The following CAMKMT variants were observed in gnomAD, a reference collection of about 807,000 sequenced individuals.
CAMKMT encodes CaM KMT.
A neutral mutation model predicts 48.0 loss-of-function variants in CAMKMT; 53 were observed. The observed-to-expected ratio is 1.10, with a 90% CI of 0.89 to 1.39. The LOEUF (loss-of-function observed/expected upper bound fraction) is 1.39. Ranked by LOEUF, CAMKMT falls within the 40% of genes most tolerant of loss-of-function variation. The probability of loss-of-function intolerance (pLI) is 0.00; values close to 1 mark genes in which losing one functional copy is unlikely to be tolerated. For missense variants in CAMKMT, 428 were observed against 402.7 expected, an observed-to-expected ratio of 1.06 and a Z score of -0.54; for synonymous variants, 165 against 152.3, an observed-to-expected ratio of 1.08 and a Z score of -0.61.
chr2:44,405,651 T>A (rs574008731), intron 3 of CAMKMT, among the ~76,000 whole-genome samples: 8 of 152,104 alleles, frequency 5.3e-5, no homozygotes, highest in African/African-American at 1.4e-4. Context: ...TTGAAAAAAA[T>A]TTAAAAATAA....
chr2:44,594,939 C>A (rs1340495022), intron 3 of CAMKMT, among the ~76,000 whole-genome samples: 1 of 152,082 alleles, frequency 6.6e-6, no homozygotes, highest in Non-Finnish European at 1.5e-5. Flanking sequence ...TATCCAGAAT[C>A]TACAAAGAAC....
chr2:44,729,698 A>C (rs944005492), intron 7 of CAMKMT, among the ~76,000 whole-genome samples: 1 of 152,172 alleles, frequency 6.6e-6, no homozygotes, highest in Non-Finnish European at 1.5e-5. Context: ...AGAGTTGAGC[A>C]TGTGATCAGG....
At chr2:44,475,558 C>T (rs1022842083) in intron 3 of CAMKMT, among the ~76,000 whole-genome samples, 5 of 151,918 alleles carry the variant, frequency 3.3e-5, no homozygotes, top group Admixed American at 6.6e-5. Context: ...CCTTGTGATC[C>T]GCCCGTCTTG....
intron 3 of CAMKMT, among the ~76,000 whole-genome samples, chr2:44,504,899 A>G (rs1159805756): frequency 1.3e-5 from 2 of 152,174 alleles, no homozygotes; most frequent in Non-Finnish European, 2.9e-5. Context: ...AGCTTGTACA[A>G]GAAGCATGGC....
chr2:44,461,192 G>C (rs754733548), intron 3 of CAMKMT, among the ~76,000 whole-genome samples: 25 of 152,170 alleles, frequency 1.6e-4, no homozygotes, highest in Non-Finnish European at 2.8e-4. Context: ...TTGTGTTGAA[G>C]AAAAATTAAG....
chr2:44,761,397 G>A lies in CAMKMT; in HGVS notation c.763-5033G>A, dbSNP rs1169114755. On this transcript the variant is annotated intron_variant, in intron 9 of 10. Transcript: ENST00000378494. The stretch of plus-strand genomic sequence containing the variant: ...GCGATAAAGGCATGGGGCCGGTCAC[G>A]TGGGGCTTTGCCTGCCATACCAAGA... Among the ~76,000 whole-genome samples, 12 of 152,332 alleles carry A rather than the reference G, an allele frequency of 7.9e-5. No homozygotes were observed. In the East Asian group the frequency reaches 1.5e-3, roughly 20 times the overall value.
intron 10 of CAMKMT, among the ~76,000 whole-genome samples, chr2:44,768,361 A>ATATATATATTTTTTT (rs35058824): frequency 6.0e-5 from 7 of 115,728 alleles, no homozygotes; most frequent in African/African-American, 2.6e-4. Flanking sequence ...ATATATATAT[A>ATATATATATTTTTTT]TTTTTTTTTT....
intron 3 of CAMKMT, among the ~76,000 whole-genome samples, chr2:44,534,008 A>T (rs1666629842): frequency 6.6e-6 from 1 of 152,222 alleles, no homozygotes; most frequent in Non-Finnish European, 1.5e-5. Context: ...AAAGACATGT[A>T]TAGACTGTAA....
chr2:44,745,140 G>A (rs551760203), intron 8 of CAMKMT, among the ~76,000 whole-genome samples: 81 of 152,208 alleles, frequency 5.3e-4, no homozygotes, highest in Admixed American at 2.0e-3. Context: ...TCAGATCAGA[G>A]AGCAGCGGCA....
At chr2:44,471,549 A>G (rs954682596) in intron 3 of CAMKMT, among the ~76,000 whole-genome samples, 2 of 152,052 alleles carry the variant, frequency 1.3e-5, no homozygotes, top group African/African-American at 4.8e-5. Flanking sequence ...GCAGAGAGCC[A>G]TGATTGTGCC....
Position 44,498,144 on chromosome 2 carries a change from A to G in CAMKMT, c.376+107839A>G, listed in dbSNP as rs565011429. On this transcript the variant is annotated intron_variant, in intron 3 of 10. Coordinates refer to ENST00000378494, the MANE Select transcript of CAMKMT (RefSeq NM_024766.5). Reference sequence around the variant, plus strand: ...ATGTGTCTATTGAGAGAGATCCATCATAGCACCTTTATTTATTTATTATTA... The same window carrying G: ...ATGTGTCTATTGAGAGAGATCCATCGTAGCACCTTTATTTATTTATTATTA... Among the ~76,000 whole-genome samples, 6 of 152,312 alleles carry G rather than the reference A, an allele frequency of 3.9e-5. No homozygotes were observed. In the South Asian group the frequency reaches 1.2e-3, roughly 32 times the overall value.
At chr2:44,484,460 C>A (rs1190988979) in intron 3 of CAMKMT, among the ~76,000 whole-genome samples, 1 of 151,848 alleles carries the variant, frequency 6.6e-6, no homozygotes, top group Non-Finnish European at 1.5e-5. Flanking sequence ...ATAGGTAGCA[C>A]TGCAAAACAA....
At chr2:44,737,379 A>T (rs1679411686) in intron 7 of CAMKMT, among the ~76,000 whole-genome samples, 1 of 152,070 alleles carries the variant, frequency 6.6e-6, no homozygotes, top group African/African-American at 2.4e-5. Context: ...GACCGCCCAA[A>T]GTGTGTTTTT....
chr2:44,530,320 A>C (rs2104824768), intron 3 of CAMKMT, among the ~76,000 whole-genome samples: 1 of 152,348 alleles, frequency 6.6e-6, no homozygotes, highest in African/African-American at 2.4e-5. Flanking sequence ...CTTTGAAAAC[A>C]AAAAACTCTA....
intron 3 of CAMKMT, among the ~76,000 whole-genome samples, chr2:44,533,503 T>C (rs1429772937): frequency 6.6e-6 from 1 of 152,182 alleles, no homozygotes; most frequent in Non-Finnish European, 1.5e-5. Flanking sequence ...CCTCCCAAAG[T>C]GTTGGGATTA....
intron 7 of CAMKMT, among the ~76,000 whole-genome samples, chr2:44,720,643 T>C (rs1343095713): frequency 6.6e-6 from 1 of 152,190 alleles, no homozygotes; most frequent in Non-Finnish European, 1.5e-5. Context: ...TATTATAAAC[T>C]GCTGCAGTGA....
chr2:44,658,416 G>A (rs922473824), intron 3 of CAMKMT, among the ~76,000 whole-genome samples: 28 of 151,978 alleles, frequency 1.8e-4, no homozygotes, highest in Admixed American at 3.3e-4. Flanking sequence ...GCTCACCACC[G>A]CCCTACACAG....
intron 3 of CAMKMT, among the ~76,000 whole-genome samples, chr2:44,501,065 T>G (rs1177323668): frequency 1.4e-5 from 2 of 145,382 alleles, no homozygotes; most frequent in Admixed American, 1.4e-4. Flanking sequence ...TATATTTTGG[T>G]TTTTTTTTTT....
At chr2:44,416,000 A>G (rs17032197) in intron 3 of CAMKMT, among the ~76,000 whole-genome samples, 8,565 of 152,310 alleles carry the variant, frequency 0.056, 299 homozygotes, top group South Asian at 0.14. Context: ...ATGTCAATCT[A>G]AATGTGAACT....
Sources: allele counts gnomAD v4.1 joint callset (sites outside exome capture counted in the v4.1 genomes callset), GRCh38; gene constraint gnomAD v4.1.1; transcripts MANE v1.5; gene names NCBI Gene and HGNC (gene_info 2026-07-23, HGNC 2026-07-21).